PCDHA3: variants seen among roughly 807,000 people sequenced by gnomAD.
PCDHA3 encodes the protein protocadherin alpha 3.
Under a neutral mutation model 62.2 loss-of-function variants are expected in PCDHA3, and 41 were observed. The ratio of observed to expected loss-of-function variants is 0.66; its 90% CI spans 0.51 to 0.86. The LOEUF (loss-of-function observed/expected upper bound fraction) is 0.86, where lower values mean the gene tolerates loss of function less well. Ranked by LOEUF, PCDHA3 falls within the 40% of genes least tolerant of loss-of-function variation. The pLI is 0.00. For synonymous variants in PCDHA3, 640 were observed against 555.4 expected (o/e 1.15, Z -2.14); for missense variants, 1,304 against 1,241.2 (o/e 1.05, Z -0.76).
At position 140,924,761 on chromosome 5, in the gene PCDHA3, G is replaced by T. The variant is rs979984304; in HGVS notation, c.2395-54188G>T. On this transcript the variant is annotated intron_variant, in intron 1 of 3. Coordinates refer to ENST00000522353, the MANE Select transcript of PCDHA3 (RefSeq NM_018906.3). Reference sequence around the variant, plus strand: ...AATACAAAAATTAACCGAGCATGGTGGTGCGCGCTTGTAGTCCTAGCTACT... The same window carrying T: ...AATACAAAAATTAACCGAGCATGGTTGTGCGCGCTTGTAGTCCTAGCTACT... Among the ~76,000 whole-genome samples the T allele has an allele frequency of 5.3e-5, 8 of 151,864 alleles. No individual in the cohort carries two copies. The East Asian group carries it at 1.5e-3, about 29-fold the overall frequency.
chr5:140,939,215 G>C (rs1251785254), intron 1 of PCDHA3, among the ~76,000 whole-genome samples: 1 of 152,154 alleles, frequency 6.6e-6, no homozygotes, highest in African/African-American at 2.4e-5. Context: ...CCTTCTTGCT[G>C]TCTCTTCACC....
intron 1 of PCDHA3, among the ~76,000 whole-genome samples, chr5:140,915,554 G>A (rs1276502641): frequency 6.6e-6 from 1 of 152,036 alleles, no homozygotes; most frequent in Non-Finnish European, 1.5e-5. Context: ...ATAAGATCCA[G>A]AATGATTATC....
intron 1 of PCDHA3, among the ~76,000 whole-genome samples, chr5:140,914,030 G>A (rs2076568173): frequency 1.3e-5 from 2 of 152,180 alleles, no homozygotes; most frequent in South Asian, 4.1e-4. Flanking sequence ...CACGTGCTGA[G>A]AAGAATGTGT....
chr5:140,841,278 T>A, intron 1 of PCDHA3: 5 of 1,521,548 alleles, frequency 3.3e-6, no homozygotes, highest in Non-Finnish European at 3.5e-6. Context: ...GTCGTTCATC[T>A]TTATATTAAG....
chr5:140,876,154 A>G, intron 1 of PCDHA3: 1 of 1,613,972 alleles, frequency 6.2e-7, no homozygotes, highest in Non-Finnish European at 8.5e-7. Context: ...GTCTGTCCAG[A>G]TTCAAATAAC....
At chr5:140,817,411 G>T (rs1366337221) in intron 1 of PCDHA3, 1 of 152,234 alleles carries the variant, frequency 6.6e-6, no homozygotes, top group Admixed American at 6.5e-5. Flanking sequence ...TTGTTGTTGA[G>T]TTGGTATACC....
At chr5:140,841,759 A>T in intron 1 of PCDHA3, 1 of 1,613,894 alleles carries the variant, frequency 6.2e-7, no homozygotes, top group South Asian at 1.1e-5. Flanking sequence ...CAGAATCCAG[A>T]ATGCCAGACT....
chr5:140,863,521 G>T, intron 1 of PCDHA3: 1 of 397,734 alleles, frequency 2.5e-6, no homozygotes, highest in Non-Finnish European at 4.9e-6. Context: ...GTTCTCCCAT[G>T]GTTCAGATTT....
At chr5:140,991,472 C>G (rs1480480128) in intron 3 of PCDHA3, among the ~76,000 whole-genome samples, 1 of 152,172 alleles carries the variant, frequency 6.6e-6, no homozygotes, top group African/African-American at 2.4e-5. Context: ...TCTTACAGTT[C>G]TGGAAGTCAG....
intron 1 of PCDHA3, among the ~76,000 whole-genome samples, chr5:140,887,536 C>G (rs2153420652): frequency 6.6e-6 from 1 of 152,238 alleles, no homozygotes; most frequent in African/African-American, 2.4e-5. Context: ...CTTCCTCTCC[C>G]CACCCCTCAT....
At chr5:140,953,419 C>T (rs2094885258) in intron 1 of PCDHA3, among the ~76,000 whole-genome samples, 2 of 152,134 alleles carry the variant, frequency 1.3e-5, no homozygotes, top group Admixed American at 1.3e-4. Context: ...GGCTCCTCCC[C>T]TTTGTCCTTA....
chr5:140,817,026 G>T (rs915674773), intron 1 of PCDHA3: 2 of 152,170 alleles, frequency 1.3e-5, no homozygotes, highest in Non-Finnish European at 2.9e-5. Context: ...TCATGAGAGA[G>T]AGAGTGCTGA....
chr5:140,927,896 A>G (rs571131956), intron 1 of PCDHA3: 1 of 1,614,200 alleles, frequency 6.2e-7, no homozygotes, highest in African/African-American at 1.3e-5. Context: ...GACGTGAACG[A>G]TCATGCCCCC....
chr5:140,841,707 AC>A (rs2150321294), intron 1 of PCDHA3: 1 of 1,613,698 alleles, frequency 6.2e-7, no homozygotes. Flanking sequence ...GTTAATGACA[AC>A]CCGCCAGTGT....
intron 1 of PCDHA3, among the ~76,000 whole-genome samples, chr5:140,917,362 A>G (rs552053034): frequency 2.2e-4 from 32 of 142,394 alleles, no homozygotes; most frequent in Admixed American, 1.7e-3. Flanking sequence ...CTGTTCCACT[A>G]TCTTGCTCCA....
intron 1 of PCDHA3, among the ~76,000 whole-genome samples, chr5:140,950,272 C>G (rs928839890): frequency 2.0e-5 from 3 of 151,950 alleles, no homozygotes; most frequent in Non-Finnish European, 4.4e-5. Flanking sequence ...TCCATAATGT[C>G]TTTTTGCTTC....
At chr5:140,811,576 C>T (rs1764908062) in intron 1 of PCDHA3, 1 of 152,250 alleles carries the variant, frequency 6.6e-6, no homozygotes, top group Admixed American at 6.5e-5. Flanking sequence ...AATCGCCACA[C>T]TGTCTTCCAC....
intron 3 of PCDHA3, among the ~76,000 whole-genome samples, chr5:140,996,816 A>G (rs1587722851): frequency 6.6e-6 from 1 of 152,264 alleles, no homozygotes; most frequent in Non-Finnish European, 1.5e-5. Flanking sequence ...TTCCAAAAGT[A>G]ACCACTACCA....
At chr5:140,939,253 G>C (rs1399135372) in intron 1 of PCDHA3, among the ~76,000 whole-genome samples, 2 of 152,060 alleles carry the variant, frequency 1.3e-5, no homozygotes, top group African/African-American at 4.8e-5. Context: ...TAGCTCTCTG[G>C]AACCTCTTTT....
Sources: allele counts gnomAD v4.1 joint callset (sites outside exome capture counted in the v4.1 genomes callset), GRCh38; gene constraint gnomAD v4.1.1; transcripts MANE v1.5; gene names NCBI Gene and HGNC (gene_info 2026-07-23, HGNC 2026-07-21).